DPP6: variants seen among roughly 807,000 people sequenced by gnomAD.
DPP6 encodes A-type potassium channel modulatory protein DPP6.
A neutral mutation model predicts 122.6 loss-of-function variants in DPP6; 69 were observed. The ratio of observed to expected loss-of-function variants is 0.56; its 90% CI spans 0.46 to 0.69. The LOEUF (loss-of-function observed/expected upper bound fraction) is 0.69, where lower values mean the gene tolerates loss of function less well. Ranked by LOEUF, DPP6 falls within the 30% of genes least tolerant of loss-of-function variation. DPP6 has a pLI of 0.00. For missense variants in DPP6, 928 were observed against 1,116.9 expected (o/e 0.83, Z 2.41); for synonymous variants, 418 against 433.1 (o/e 0.97, Z 0.43).
At chr7:153,778,489 G>T in the DPP6 span, among the ~76,000 whole-genome samples, 2 of 150,680 alleles carry the variant, frequency 1.3e-5, no homozygotes, top group Non-Finnish European at 2.9e-5. Context: ...TTGTATTTTG[G>T]GGGGAATGGG....
At chr7:154,556,580 G>A (rs1339772237) in intron 4 of DPP6, among the ~76,000 whole-genome samples, 1 of 152,088 alleles carries the variant, frequency 6.6e-6, no homozygotes, top group Non-Finnish European at 1.5e-5. Flanking sequence ...GTTTTTAAAA[G>A]TCTATAATTT....
At chr7:154,337,489 C>T (rs572060775) in intron 1 of DPP6, among the ~76,000 whole-genome samples, 119 of 152,298 alleles carry the variant, frequency 7.8e-4, no homozygotes, top group African/African-American at 2.5e-3. Context: ...ATCAGCAGGA[C>T]GATATCCACA....
chr7:154,872,336 T>C (rs1804467280), intron 18 of DPP6, among the ~76,000 whole-genome samples: 2 of 152,268 alleles, frequency 1.3e-5, no homozygotes, highest in South Asian at 4.1e-4. Flanking sequence ...ATTCTGCTGC[T>C]AGCGAGTGCC....
chr7:154,262,067 G>T (rs947820576), intron 1 of DPP6, among the ~76,000 whole-genome samples: 6 of 152,044 alleles, frequency 3.9e-5, no homozygotes, highest in African/African-American at 2.4e-5. Flanking sequence ...GCTGGATTCA[G>T]TGTTTTGAAG....
intron 1 of DPP6, among the ~76,000 whole-genome samples, chr7:154,432,334 G>A (rs897724331): frequency 6.6e-6 from 1 of 152,178 alleles, no homozygotes; most frequent in Non-Finnish European, 1.5e-5. Context: ...TATGGAATGT[G>A]TATGTTGCTG....
At chr7:153,769,972 G>T in the DPP6 span, among the ~76,000 whole-genome samples, 1 of 152,110 alleles carries the variant, frequency 6.6e-6, no homozygotes, top group Admixed American at 6.6e-5. Context: ...TGCGGAGAAG[G>T]CAGGGTTCAT....
intron 1 of DPP6, among the ~76,000 whole-genome samples, chr7:154,079,011 C>A (rs1381917805): frequency 6.7e-6 from 1 of 148,728 alleles, no homozygotes; most frequent in East Asian, 2.0e-4. Flanking sequence ...GTAATCCTAG[C>A]ACTTTGGGAG....
rs1801589589 is a variant in DPP6 at position 154,060,368 on chromosome 7, GCCCC to G, written c.243+7306_243+7309del. On this transcript the variant is annotated intron_variant, in intron 1 of 25. Transcript: ENST00000377770. Reference sequence around the variant, plus strand: ...CCCGCGAGGCAGGGACTGAGAGCCAGCCCCTGGTTCCCCCACTGGCTCTTAGGAC... The same window carrying G: ...CCCGCGAGGCAGGGACTGAGAGCCAGTGGTTCCCCCACTGGCTCTTAGGAC... Among the ~76,000 whole-genome samples the G allele has an allele frequency of 4.6e-5, 5 of 109,226 alleles. 1 individual carries two copies. Among genetic ancestry groups the G allele is most frequent in the Non-Finnish European group, 7.6e-5 (4 of 52,764 alleles). The allele number at this position is 109,226 out of a possible 152,430, so 71.7% of individuals were successfully genotyped here. A position where few individuals can be genotyped will look rare whatever the true frequency, so the allele number is the denominator to read the frequency against.
chr7:154,016,517 C>G (rs535267940), intron 1 of DPP6, among the ~76,000 whole-genome samples: 1 of 151,814 alleles, frequency 6.6e-6, no homozygotes, highest in Non-Finnish European at 1.5e-5. Context: ...AATCCCAGCA[C>G]TTTGTGAGGC....
At chr7:154,383,065 A>G (rs1813769847) in intron 1 of DPP6, among the ~76,000 whole-genome samples, 1 of 152,208 alleles carries the variant, frequency 6.6e-6, no homozygotes, top group Non-Finnish European at 1.5e-5. Flanking sequence ...CAAAACATAC[A>G]GGAGGGAGAA....
intron 10 of DPP6, among the ~76,000 whole-genome samples, chr7:154,787,234 G>A (rs537845372): frequency 5.9e-5 from 9 of 152,264 alleles, no homozygotes; most frequent in South Asian, 4.1e-4. Context: ...CACACTACCC[G>A]TAGGTAACTA....
At chr7:154,879,156 C>T (rs1272216062) in intron 20 of DPP6, among the ~76,000 whole-genome samples, 5 of 152,186 alleles carry the variant, frequency 3.3e-5, no homozygotes, top group African/African-American at 1.2e-4. Context: ...TTTTAAAAGA[C>T]TGGGGGCTGG....
chr7:154,881,755 G>A (rs542928838), intron 21 of DPP6, among the ~76,000 whole-genome samples: 4 of 152,312 alleles, frequency 2.6e-5, no homozygotes, highest in African/African-American at 7.2e-5. Flanking sequence ...GGCTGCTCCC[G>A]GAAGCAGGGG....
intron 18 of DPP6, among the ~76,000 whole-genome samples, chr7:154,871,751 C>T (rs1395007610): frequency 6.6e-6 from 1 of 152,230 alleles, no homozygotes; most frequent in African/African-American, 2.4e-5. Context: ...GCCCAGCCAG[C>T]CACCCAAGCC....
Position 154,366,246 on chromosome 7 carries a change from G to A in DPP6, c.244-79968G>A, listed in dbSNP as rs192288325. On this transcript the variant is annotated intron_variant, in intron 1 of 25. Transcript: ENST00000377770. ...AGTTACAAAGATGAAGACAAAGTGC[G>A]AGCAATTCAAGGGCCAGCTTGACTA... Among the ~76,000 whole-genome samples the A allele has an allele frequency of 3.9e-3, 592 of 152,328 alleles. 4 individuals carry two copies. The highest frequency in any genetic ancestry group is 7.0e-3 in the South Asian group (34 of 4,832).
the DPP6 span, among the ~76,000 whole-genome samples, chr7:153,786,926 G>A: frequency 7.5e-5 from 11 of 145,900 alleles, no homozygotes; most frequent in Non-Finnish European, 1.5e-4. Context: ...AAAAAACATA[G>A]GAAGGGGAAG....
intron 1 of DPP6, among the ~76,000 whole-genome samples, chr7:154,142,682 T>C (rs1288862066): frequency 6.6e-6 from 1 of 152,186 alleles, no homozygotes; most frequent in African/African-American, 2.4e-5. Flanking sequence ...TAGCTCTGCC[T>C]ATTCACATTA....
the DPP6 span, among the ~76,000 whole-genome samples, chr7:153,858,915 T>C: frequency 6.6e-6 from 1 of 152,182 alleles, no homozygotes; most frequent in Non-Finnish European, 1.5e-5. Context: ...TGTGTGGGGA[T>C]GCAGTAAAGT....
intron 1 of DPP6, among the ~76,000 whole-genome samples, chr7:153,919,710 T>C (rs1800543278): frequency 6.6e-6 from 1 of 152,208 alleles, no homozygotes; most frequent in Admixed American, 6.5e-5. Context: ...AACATGCATG[T>C]AATATTGTGT....
Sources: gnomAD v4.1 joint callset for allele counts (sites outside exome capture counted in the v4.1 genomes callset) on GRCh38, gnomAD v4.1.1 for gene constraint, MANE v1.5 for transcripts, NCBI Gene and HGNC (gene_info 2026-07-23, HGNC 2026-07-21) for gene names.